Variants in FBXL2 observed in about 807,000 individuals in gnomAD.
FBXL2 encodes F-box/LRR-repeat protein 2.
A neutral mutation model predicts 69.2 loss-of-function variants in FBXL2; 38 were observed. The observed-to-expected ratio is 0.55, with a 90% CI of 0.42 to 0.72. FBXL2 has a LOEUF of 0.72. Ranked by LOEUF, FBXL2 falls within the 30% of genes least tolerant of loss-of-function variation. The probability of loss-of-function intolerance (pLI) is 0.00; values close to 1 mark genes in which losing one functional copy is unlikely to be tolerated. For synonymous variants in FBXL2, 192 were observed against 201.3 expected (o/e 0.95, Z 0.39); for missense variants, 354 against 520.3 (o/e 0.68, Z 3.11).
the FBXL2 span, among the ~76,000 whole-genome samples, chr3:33,416,340 CCT>C: frequency 6.6e-6 from 1 of 152,114 alleles, no homozygotes; most frequent in African/African-American, 2.4e-5. Flanking sequence ...GCCTCCTATA[CCT>C]AGGATGACTG....
chr3:33,301,527 T>A (rs2036298205), intron 2 of FBXL2, among the ~76,000 whole-genome samples: 1 of 152,234 alleles, frequency 6.6e-6, no homozygotes, highest in South Asian at 2.1e-4. Flanking sequence ...AATCTATGTT[T>A]TCTTTTCATC....
At chr3:33,375,511 T>A in intron 10 of FBXL2, 93 bp downstream of exon 10, 1 of 1,441,108 alleles carries the variant, frequency 6.9e-7, no homozygotes, top group South Asian at 1.2e-5. Flanking sequence ...TGCCAGGTAG[T>A]GGTGGTGGAG....
rs749700726 is a variant in FBXL2 at position 33,330,898 on chromosome 3, A to AAC, written c.66-28055_66-28054dup. ...AACGAGACTCTGTCACACACACACAAACACACACACACACAAACACACACA... is the reference window on the plus strand; with the variant it reads ...AACGAGACTCTGTCACACACACACAAACACACACACACACACAAACACACACA... On this transcript the variant is annotated intron_variant, in intron 2 of 14. Coordinates refer to ENST00000484457, the MANE Select transcript of FBXL2 (RefSeq NM_012157.5). Among the ~76,000 whole-genome samples, 349 of 148,500 alleles carry AAC rather than the reference A, an allele frequency of 2.4e-3. 1 individual carries two copies. The highest frequency in any genetic ancestry group is 3.5e-3 in the Non-Finnish European group (235 of 66,954).
chr3:33,333,725 G>A (rs2039347132), intron 2 of FBXL2, among the ~76,000 whole-genome samples: 1 of 152,118 alleles, frequency 6.6e-6, no homozygotes. Flanking sequence ...AGGCCCAAAT[G>A]CAAAGAGGAA....
chr3:33,396,187 G>A (rs371116400), intron 12 of FBXL2: 15 of 1,591,856 alleles, frequency 9.4e-6, no homozygotes, highest in South Asian at 3.3e-5. Context: ...TGCCATTCTC[G>A]CTTGCACTGC....
chr3:33,379,048 C>T (rs2042836094), intron 13 of FBXL2, among the ~76,000 whole-genome samples: 1 of 151,666 alleles, frequency 6.6e-6, no homozygotes, highest in African/African-American at 2.4e-5. Flanking sequence ...CACTCTATCG[C>T]CTAGGGTGGA....
intron 2 of FBXL2, among the ~76,000 whole-genome samples, chr3:33,317,202 A>G (rs2037780325): frequency 6.6e-6 from 1 of 152,150 alleles, no homozygotes. Context: ...TCAGCCTAAT[A>G]TATGAATTTT....
intron 2 of FBXL2, among the ~76,000 whole-genome samples, chr3:33,335,871 TA>T (rs2039537840): frequency 6.6e-6 from 1 of 152,152 alleles, no homozygotes; most frequent in South Asian, 2.1e-4. Context: ...GCAGGGGAGA[TA>T]ATTTTGTGCT....
chr3:33,289,751 G>A (rs899745014), intron 1 of FBXL2: 19 of 984,454 alleles, frequency 1.9e-5, no homozygotes, highest in African/African-American at 3.5e-5. Context: ...ATAGGAGTTC[G>A]GATGCTGGGG....
chr3:33,324,137 C>T (rs1222572442), intron 2 of FBXL2, among the ~76,000 whole-genome samples: 1 of 149,194 alleles, frequency 6.7e-6, no homozygotes, highest in Admixed American at 6.9e-5. Context: ...ATCCTTTGCC[C>T]ACTTTTTGAT....
chr3:33,394,776 C>T (rs1281776077), intron 12 of FBXL2, among the ~76,000 whole-genome samples: 2 of 149,714 alleles, frequency 1.3e-5, no homozygotes, highest in African/African-American at 4.9e-5. Flanking sequence ...GCAGGTGTCA[C>T]CAAACCACAG....
chr3:33,393,610 C>G (rs2154054576), intron 12 of FBXL2, among the ~76,000 whole-genome samples: 1 of 152,332 alleles, frequency 6.6e-6, no homozygotes, highest in East Asian at 1.9e-4. Context: ...TTTCCCCCAT[C>G]TTACTACCTT....
intron 13 of FBXL2, among the ~76,000 whole-genome samples, chr3:33,381,192 G>A (rs1465380650): frequency 2.0e-5 from 3 of 152,102 alleles, no homozygotes; most frequent in African/African-American, 7.2e-5. Flanking sequence ...TAATATAACA[G>A]TATCTCCTCA....
In FBXL2 at chr3:33,373,917, G is replaced by T; in HGVS notation, c.653G>T (p.Cys218Phe). ...CTTGTGAGCCTCAACTTGCAGTCCT[G>T]CTCAGTAAGTAGCGTGCCTTTCCTG... ...HELVSLNLQSCSRITDEGVVQ... is the reference protein window; with the variant it reads ...HELVSLNLQSFSRITDEGVVQ... The change falls in exon 9 of 15, where the codon TGC becomes TTC. Residue 218 changes from cysteine to phenylalanine, a missense_variant. Transcript: ENST00000484457. 6.2e-7 allele frequency: 1 copy of T among 1,614,124 alleles called. No individual in the cohort carries two copies. Among genetic ancestry groups the T allele is most frequent in the Non-Finnish European group, 8.5e-7 (1 of 1,179,984 alleles).
downstream of FBXL2, chr3:33,392,236 T>C (rs941447173): frequency 4.5e-6 from 1 of 221,736 alleles, no homozygotes; most frequent in African/African-American, 2.3e-5. Context: ...CAATTTTGGT[T>C]TGCTTTCCCC....
At chr3:33,398,663 G>A (rs1160559189) in intron 12 of FBXL2, among the ~76,000 whole-genome samples, 2 of 152,204 alleles carry the variant, frequency 1.3e-5, no homozygotes, top group Non-Finnish European at 2.9e-5. Flanking sequence ...AAGCCCCCAG[G>A]ATAAGGAAAA....
intron 12 of FBXL2, chr3:33,400,945 A>G (rs942972618): frequency 4.2e-5 from 67 of 1,591,908 alleles, no homozygotes; most frequent in Non-Finnish European, 5.6e-5. Flanking sequence ...AGATAGTTTT[A>G]GGAGAAAGAT....
intron 2 of FBXL2, chr3:33,298,029 C>T: frequency 2.8e-6 from 1 of 353,446 alleles, no homozygotes; most frequent in South Asian, 2.6e-5. Flanking sequence ...GTGATGAAGT[C>T]AGTAATATGA....
intron 12 of FBXL2, among the ~76,000 whole-genome samples, chr3:33,399,312 C>T (rs1343234068): frequency 1.3e-5 from 2 of 152,190 alleles, no homozygotes; most frequent in Non-Finnish European, 2.9e-5. Flanking sequence ...CTATTACTGT[C>T]CCTCTAAACA....
Sources: gnomAD v4.1 joint callset for allele counts (sites outside exome capture counted in the v4.1 genomes callset) on GRCh38, gnomAD v4.1.1 for gene constraint, MANE v1.5 for transcripts, NCBI Gene and HGNC (gene_info 2026-07-23, HGNC 2026-07-21) for gene names.